WDFY2: variants seen among roughly 807,000 people sequenced by gnomAD.
WDFY2 encodes WD repeat and FYVE domain-containing protein 2.
WDFY2 carries 36 observed loss-of-function variants against 56.4 expected under a neutral mutation model. The ratio of observed to expected loss-of-function variants is 0.64; its 90% CI spans 0.49 to 0.84. WDFY2 has a LOEUF of 0.84. WDFY2 is among the 40% of genes least tolerant of loss of function. The probability of loss-of-function intolerance (pLI) is 0.00; values close to 1 mark genes in which losing one functional copy is unlikely to be tolerated. For missense variants in WDFY2, 444 were observed against 512.2 expected (o/e 0.87, Z 1.29); for synonymous variants, 176 against 183.7 (o/e 0.96, Z 0.34).
At chr13:51,746,011 G>A (rs1218650822) in intron 7 of WDFY2, among the ~76,000 whole-genome samples, 1 of 118,348 alleles carries the variant, frequency 8.4e-6, no homozygotes, top group Non-Finnish European at 1.6e-5. Context: ...GAGTCTCGCT[G>A]TGTCCCCCAG....
chr13:51,590,594 A>G (rs1459707971), intron 1 of WDFY2: 3 of 152,214 alleles, frequency 2.0e-5, no homozygotes, highest in African/African-American at 7.2e-5. Context: ...ACACTAAACT[A>G]AATTGTGTAC....
intron 1 of WDFY2, among the ~76,000 whole-genome samples, chr13:51,606,988 T>G (rs1954395769): frequency 6.6e-6 from 1 of 152,176 alleles, no homozygotes; most frequent in African/African-American, 2.4e-5. Context: ...TTAAGCTATA[T>G]GAAATGTAAC....
intron 2 of WDFY2, among the ~76,000 whole-genome samples, chr13:51,666,143 G>C (rs1470754020): frequency 6.6e-6 from 1 of 152,246 alleles, no homozygotes; most frequent in Non-Finnish European, 1.5e-5. Context: ...TCAAAAGCCT[G>C]TTTGAGAGAA....
At chr13:51,670,650 G>A (rs1042732222) in intron 2 of WDFY2, among the ~76,000 whole-genome samples, 10 of 152,052 alleles carry the variant, frequency 6.6e-5, no homozygotes, top group African/African-American at 2.4e-4. Flanking sequence ...AGAACATCCT[G>A]GGTTCAGGCA....
intron 4 of WDFY2, among the ~76,000 whole-genome samples, chr13:51,706,941 A>G (rs1952094986): frequency 6.6e-6 from 1 of 152,248 alleles, no homozygotes; most frequent in Non-Finnish European, 1.5e-5. Context: ...GCCATAACAT[A>G]ATATGTTAAA....
At chr13:51,738,965 G>A in intron 6 of WDFY2, 84 bp from the exon 7 acceptor site, 3 of 1,363,062 alleles carry the variant, frequency 2.2e-6, no homozygotes, top group Non-Finnish European at 2.9e-6. Flanking sequence ...ACTGCACTAG[G>A]TTCTGTCTCC....
chr13:51,588,443 G>C (rs1953984342), intron 1 of WDFY2: 1 of 152,208 alleles, frequency 6.6e-6, no homozygotes. Flanking sequence ...CATTCATACA[G>C]AGACTTTCAG....
At chr13:51,653,417 C>A (rs1198107072) in intron 1 of WDFY2, among the ~76,000 whole-genome samples, 2 of 152,224 alleles carry the variant, frequency 1.3e-5, no homozygotes, top group East Asian at 3.8e-4. Context: ...AAGTCATTCT[C>A]CGTCCAGCTT....
intron 1 of WDFY2, among the ~76,000 whole-genome samples, chr13:51,641,271 C>T (rs1209917457): frequency 5.3e-5 from 8 of 151,842 alleles, no homozygotes; most frequent in Non-Finnish European, 1.2e-4. Flanking sequence ...GAATTTCCAC[C>T]ATCTTGGCCA....
intron 2 of WDFY2, among the ~76,000 whole-genome samples, chr13:51,663,913 G>T (rs1443240150): frequency 6.6e-6 from 1 of 152,126 alleles, no homozygotes; most frequent in Non-Finnish European, 1.5e-5. Flanking sequence ...AAAATAAAAA[G>T]AAAATATTCT....
intron 1 of WDFY2, among the ~76,000 whole-genome samples, chr13:51,595,022 T>G (rs1398969406): frequency 6.6e-6 from 1 of 152,196 alleles, no homozygotes; most frequent in Non-Finnish European, 1.5e-5. Context: ...TTTTTTCTTC[T>G]CTATTATAGA....
intron 1 of WDFY2, among the ~76,000 whole-genome samples, chr13:51,656,841 T>C (rs1219102131): frequency 6.6e-6 from 1 of 152,050 alleles, no homozygotes; most frequent in Non-Finnish European, 1.5e-5. Context: ...TCTTTTTTAT[T>C]GTTTCATTTT....
chr13:51,682,427 G>A (rs771303671), intron 3 of WDFY2, among the ~76,000 whole-genome samples: 4 of 152,126 alleles, frequency 2.6e-5, no homozygotes, highest in Non-Finnish European at 5.9e-5. Context: ...TTACAGTCTG[G>A]CACCCAGTAC....
At chr13:51,677,532 A>T (rs1455450631) in intron 3 of WDFY2, among the ~76,000 whole-genome samples, 1 of 152,246 alleles carries the variant, frequency 6.6e-6, no homozygotes, top group Non-Finnish European at 1.5e-5. Flanking sequence ...TTTCCTGGTT[A>T]TAACAAATAA....
chr13:51,589,868 C>G (rs576437979), intron 1 of WDFY2: 1 of 152,242 alleles, frequency 6.6e-6, no homozygotes, highest in Non-Finnish European at 1.5e-5. Flanking sequence ...GGGAACTTGT[C>G]CTGTATGATT....
At chr13:51,714,886 G>T (rs1295638575) in intron 4 of WDFY2, among the ~76,000 whole-genome samples, 1 of 152,212 alleles carries the variant, frequency 6.6e-6, no homozygotes, top group Non-Finnish European at 1.5e-5. Context: ...GGTATAGCCT[G>T]TTGCTCCCTA....
At chr13:51,660,150 A>T (rs528495155) in intron 1 of WDFY2, among the ~76,000 whole-genome samples, 3 of 152,294 alleles carry the variant, frequency 2.0e-5, no homozygotes, top group African/African-American at 7.2e-5. Context: ...GTTCATATAT[A>T]TGTATTTATG....
chr13:51,697,260 A>G (rs1946111739), intron 3 of WDFY2, among the ~76,000 whole-genome samples: 1 of 152,238 alleles, frequency 6.6e-6, no homozygotes, highest in Non-Finnish European at 1.5e-5. Flanking sequence ...AACCATCCAA[A>G]GAAAATAATC....
chr13:51,653,234 G>A (rs1013134650), intron 1 of WDFY2, among the ~76,000 whole-genome samples: 12 of 152,102 alleles, frequency 7.9e-5, no homozygotes, highest in African/African-American at 1.7e-4. Context: ...CGTAGTTCTC[G>A]TGCCGTGGTT....
Sources: allele counts gnomAD v4.1 joint callset (sites outside exome capture counted in the v4.1 genomes callset), GRCh38; gene constraint gnomAD v4.1.1; transcripts MANE v1.5; gene names NCBI Gene and HGNC (gene_info 2026-07-23, HGNC 2026-07-21).